DLG2: variants seen among roughly 807,000 people sequenced by gnomAD.
The protein encoded by DLG2 is disks large homolog 2.
Under a neutral mutation model 132.5 loss-of-function variants are expected in DLG2, and 45 were observed. The ratio of observed to expected loss-of-function variants is 0.34; its 90% CI spans 0.27 to 0.44. The LOEUF is 0.44. Among genes scored for constraint, DLG2 ranks in the 20% least tolerant of loss-of-function variants. DLG2 has a pLI of 1.00. For missense variants in DLG2, 1,045 were observed against 1,196.9 expected (o/e 0.87, Z 1.87); for synonymous variants, 424 against 419.6 (o/e 1.01, Z -0.13).
At chr11:85,338,084 T>C (rs2082248753) in intron 3 of DLG2, among the ~76,000 whole-genome samples, 1 of 152,094 alleles carries the variant, frequency 6.6e-6, no homozygotes, top group African/African-American at 2.4e-5. Flanking sequence ...CATATTCAAC[T>C]ACCTAAAGGA....
intron 3 of DLG2, among the ~76,000 whole-genome samples, chr11:85,574,119 A>C (rs1334743577): frequency 6.6e-6 from 1 of 152,182 alleles, no homozygotes; most frequent in East Asian, 1.9e-4. Context: ...TTTGGCAAGA[A>C]AATAATGTTA....
chr11:83,834,688 G>A (rs2055619919), intron 16 of DLG2, among the ~76,000 whole-genome samples: 1 of 152,124 alleles, frequency 6.6e-6, no homozygotes, highest in Admixed American at 6.5e-5. Flanking sequence ...ATACATATTT[G>A]AGGATCATCA....
At chr11:84,424,294 ATGTGATTACAAAGT>A (rs2098959751) in intron 7 of DLG2, among the ~76,000 whole-genome samples, 1 of 152,128 alleles carries the variant, frequency 6.6e-6, no homozygotes, top group Non-Finnish European at 1.5e-5. Flanking sequence ...ATTGTGGAGC[ATGTGATTACAAAGT>A]TGTTCAAAAT....
chr11:85,130,225 G>T (rs2075564767), intron 5 of DLG2, among the ~76,000 whole-genome samples: 3 of 152,136 alleles, frequency 2.0e-5, no homozygotes. Flanking sequence ...TTATTCTCCA[G>T]TATGTCTAAT....
At chr11:83,819,495 AGAAAAG>A (rs2050132542) in intron 17 of DLG2, among the ~76,000 whole-genome samples, 1 of 104,256 alleles carries the variant, frequency 9.6e-6, no homozygotes, top group Admixed American at 1.1e-4. Context: ...AAAAAAAAGA[AGAAAAG>A]AAAAAGAAAA....
At chr11:85,162,043 C>A (rs1008063639) in intron 4 of DLG2, among the ~76,000 whole-genome samples, 9 of 152,116 alleles carry the variant, frequency 5.9e-5, no homozygotes, top group Admixed American at 1.3e-4. Context: ...CAAACTCTGC[C>A]ACCAGGAGAC....
chr11:83,729,162 A>T (rs2090544147), intron 18 of DLG2, among the ~76,000 whole-genome samples: 1 of 152,220 alleles, frequency 6.6e-6, no homozygotes, highest in South Asian at 2.1e-4. Context: ...TTAACAGGCA[A>T]AGTTAAAGGT....
intron 6 of DLG2, among the ~76,000 whole-genome samples, chr11:84,714,595 T>TCTC (rs2060895785): frequency 1.9e-5 from 2 of 103,894 alleles, no homozygotes; most frequent in African/African-American, 8.1e-5. Context: ...CTCTTTCTCT[T>TCTC]TCTTTCTCTT....
intron 21 of DLG2, among the ~76,000 whole-genome samples, chr11:83,506,818 C>T (rs2094725683): frequency 6.6e-6 from 1 of 152,110 alleles, no homozygotes; most frequent in Admixed American, 6.6e-5. Context: ...CAATCAATGC[C>T]CTCACTTTAA....
chr11:84,194,719 C>G (rs1214716317), intron 8 of DLG2, among the ~76,000 whole-genome samples: 1 of 152,206 alleles, frequency 6.6e-6, no homozygotes, highest in East Asian at 1.9e-4. Context: ...GACTCAGGAC[C>G]CCAGCTGGCT....
chr11:84,703,614 C>T (rs117528330), intron 6 of DLG2, among the ~76,000 whole-genome samples: 9,974 of 151,046 alleles, frequency 0.066, 415 homozygotes, highest in Non-Finnish European at 0.099. Flanking sequence ...CATTAGCATA[C>T]GATTAGTTAC....
chr11:84,426,573 G>A (rs1164545304), intron 7 of DLG2, among the ~76,000 whole-genome samples: 1 of 152,104 alleles, frequency 6.6e-6, no homozygotes, highest in Non-Finnish European at 1.5e-5. Flanking sequence ...TCATAGAGTA[G>A]TGACTGGCCC....
chr11:84,940,168 T>A (rs1189112709), intron 6 of DLG2, among the ~76,000 whole-genome samples: 2 of 152,184 alleles, frequency 1.3e-5, no homozygotes, highest in Admixed American at 6.5e-5. Context: ...TTGCATTTTT[T>A]TAAATGGACT....
intron 6 of DLG2, among the ~76,000 whole-genome samples, chr11:84,655,852 T>G (rs752538185): frequency 6.6e-6 from 1 of 152,064 alleles, no homozygotes; most frequent in Non-Finnish European, 1.5e-5. Context: ...GGCCTTTTCA[T>G]CCACCCATGC....
chr11:84,836,370 CA>C (rs2079779349), intron 6 of DLG2, among the ~76,000 whole-genome samples: 1 of 151,598 alleles, frequency 6.6e-6, no homozygotes, highest in African/African-American at 2.4e-5. Flanking sequence ...TAAATTCCAC[CA>C]CAATGATCTT....
At chr11:83,990,614 A>G (rs2093654355) in intron 11 of DLG2, among the ~76,000 whole-genome samples, 1 of 152,138 alleles carries the variant, frequency 6.6e-6, no homozygotes, top group Non-Finnish European at 1.5e-5. Context: ...AAATGCTTTG[A>G]AAAGTTATGA....
intron 8 of DLG2, among the ~76,000 whole-genome samples, chr11:84,224,292 T>C (rs1026816722): frequency 1.3e-5 from 2 of 152,198 alleles, no homozygotes; most frequent in Non-Finnish European, 2.9e-5. Context: ...ATGCCCCAGT[T>C]GAGTCCAGTC....
rs560149817 is a variant in DLG2 at position 83,955,493 on chromosome 11, G to A, written c.1340+7392C>T. ...ACCCCACCTTCAAGCAAAAATAACAGCCTGAAACCCATGGCCCAAAGTGAT... is the reference window on the plus strand; with the variant it reads ...ACCCCACCTTCAAGCAAAAATAACAACCTGAAACCCATGGCCCAAAGTGAT... On this transcript the variant is annotated intron_variant, in intron 14 of 27. Transcript: ENST00000376104. Among the ~76,000 whole-genome samples the A allele has an allele frequency of 6.6e-5, 10 of 152,256 alleles. No individual in the cohort carries two copies. In the South Asian group the frequency reaches 2.1e-3, roughly 32 times the overall value.
At chr11:85,535,731 C>T (rs2075535986) in intron 3 of DLG2, among the ~76,000 whole-genome samples, 2 of 152,050 alleles carry the variant, frequency 1.3e-5, no homozygotes, top group Admixed American at 1.3e-4. Flanking sequence ...GGGAATAACC[C>T]AAATATCCAA....
Sources: allele counts gnomAD v4.1 joint callset (sites outside exome capture counted in the v4.1 genomes callset), GRCh38; gene constraint gnomAD v4.1.1; transcripts MANE v1.5; gene names NCBI Gene and HGNC (gene_info 2026-07-23, HGNC 2026-07-21).